The following BMP5 variants were observed in gnomAD, a reference collection of about 807,000 sequenced individuals.
BMP5 encodes bone morphogenetic protein 5.
BMP5 carries 23 observed loss-of-function variants against 46.6 expected under a neutral mutation model. The observed-to-expected ratio is 0.49, with a 90% CI of 0.35 to 0.70. BMP5 has a LOEUF of 0.70. BMP5 is among the 30% of genes least tolerant of loss of function. The pLI is 0.00. For missense variants in BMP5, 545 were observed against 565.6 expected (o/e 0.96, Z 0.37); for synonymous variants, 204 against 191.9 (o/e 1.06, Z -0.52).
At chr6:55,788,946 T>G (rs1344381426) in intron 3 of BMP5, among the ~76,000 whole-genome samples, 1 of 151,876 alleles carries the variant, frequency 6.6e-6, no homozygotes, top group African/African-American at 2.4e-5. Flanking sequence ...TTAATACCTC[T>G]GAAATCTTTT....
intron 1 of BMP5, among the ~76,000 whole-genome samples, chr6:55,832,031 A>G (rs976430178): frequency 2.0e-5 from 3 of 152,182 alleles, no homozygotes; most frequent in Admixed American, 2.0e-4. Flanking sequence ...AATAGTCCGT[A>G]CTGGAAAGCT....
At chr6:55,855,068 AG>A (rs796310393) in intron 1 of BMP5, among the ~76,000 whole-genome samples, 1 of 151,982 alleles carries the variant, frequency 6.6e-6, no homozygotes, top group East Asian at 1.9e-4. Context: ...AACAGAAAAA[AG>A]CTTTTGATCA....
chr6:55,797,679 C>A lies in BMP5; in HGVS notation c.684-3252G>T, dbSNP rs1775749858. Among the ~76,000 whole-genome samples the A allele has an allele frequency of 2.1e-5, 3 of 140,640 alleles. No individual in the cohort carries two copies. In the South Asian group the frequency reaches 6.6e-4, roughly 31 times the overall value. 92.3% of individuals were successfully genotyped at this position (140,640 alleles called of 152,430 possible). A position where few individuals can be genotyped will look rare whatever the true frequency, so the allele number is the denominator to read the frequency against. ...TCGCCCAGGCTGGAGTGCAGTGGTG[C>A]GATCTCAGCTCACTGCAAGATCCAC... On this transcript the variant is annotated intron_variant, in intron 2 of 6. Coordinates refer to ENST00000370830, the MANE Select transcript of BMP5 (RefSeq NM_021073.4).
At chr6:55,774,341 T>A in intron 3 of BMP5, 98 bp from the exon 4 acceptor site, 1 of 1,158,954 alleles carries the variant, frequency 8.6e-7, no homozygotes, top group Non-Finnish European at 1.3e-6. Context: ...GGAAAAGTTT[T>A]AAAACATTAT....
intron 1 of BMP5, among the ~76,000 whole-genome samples, chr6:55,844,326 G>A (rs1777045099): frequency 1.3e-5 from 2 of 151,852 alleles, no homozygotes; most frequent in African/African-American, 4.8e-5. Context: ...TAAAAACATT[G>A]GCAGATTCTC....
intron 2 of BMP5, among the ~76,000 whole-genome samples, chr6:55,803,309 A>T (rs1265996190): frequency 6.6e-6 from 1 of 151,906 alleles, no homozygotes; most frequent in African/African-American, 2.4e-5. Context: ...ACAAAACAAA[A>T]CAAACAAAAA....
intron 4 of BMP5, among the ~76,000 whole-genome samples, chr6:55,766,867 T>G (rs924671905): frequency 6.6e-6 from 1 of 152,028 alleles, no homozygotes; most frequent in African/African-American, 2.4e-5. Flanking sequence ...CAACCTGAAA[T>G]GGTTTCATCC....
At chr6:55,799,823 T>C (rs1014814286) in intron 2 of BMP5, among the ~76,000 whole-genome samples, 3 of 152,192 alleles carry the variant, frequency 2.0e-5, no homozygotes, top group African/African-American at 4.8e-5. Flanking sequence ...TATTAAATAT[T>C]TCTTCCAAGG....
chr6:55,824,808 TA>T (rs1168920674), intron 1 of BMP5, among the ~76,000 whole-genome samples: 1 of 151,908 alleles, frequency 6.6e-6, no homozygotes, highest in African/African-American at 2.4e-5. Flanking sequence ...CTGACCTGTC[TA>T]ACAAGACCAA....
intron 4 of BMP5, among the ~76,000 whole-genome samples, chr6:55,764,581 A>G (rs1489273639): frequency 6.6e-6 from 1 of 150,916 alleles, no homozygotes; most frequent in East Asian, 1.9e-4. Flanking sequence ...CAAAAAAAAA[A>G]AAAAAAGAAA....
chr6:55,789,655 AC>A (rs986566902), intron 3 of BMP5, among the ~76,000 whole-genome samples: 5 of 152,088 alleles, frequency 3.3e-5, no homozygotes, highest in Admixed American at 1.3e-4. Flanking sequence ...GCTATTAAAA[AC>A]AAAAATAGAA....
intron 3 of BMP5, among the ~76,000 whole-genome samples, chr6:55,788,394 G>T (rs1775498260): frequency 6.6e-6 from 1 of 151,836 alleles, no homozygotes; most frequent in Admixed American, 6.6e-5. Flanking sequence ...TTAAACATGA[G>T]CTTAATAACA....
chr6:55,809,980 C>A (rs1339396788), intron 2 of BMP5, among the ~76,000 whole-genome samples: 1 of 152,062 alleles, frequency 6.6e-6, no homozygotes, highest in African/African-American at 2.4e-5. Flanking sequence ...ATAATGATGG[C>A]CACCCAAGGA....
At chr6:55,853,606 C>T (rs1160091011) in intron 1 of BMP5, among the ~76,000 whole-genome samples, 1 of 152,146 alleles carries the variant, frequency 6.6e-6, no homozygotes, top group Non-Finnish European at 1.5e-5. Context: ...AAATATTCCT[C>T]CCAGAAAAAA....
At chr6:55,813,125 T>C (rs1776173196) in intron 2 of BMP5, among the ~76,000 whole-genome samples, 1 of 152,156 alleles carries the variant, frequency 6.6e-6, no homozygotes, top group African/African-American at 2.4e-5. Context: ...GATTTTTAAA[T>C]CCTAGTGTTT....
intron 4 of BMP5, among the ~76,000 whole-genome samples, chr6:55,772,265 G>A (rs1457381730): frequency 1.3e-5 from 2 of 151,766 alleles, no homozygotes; most frequent in Admixed American, 6.6e-5. Flanking sequence ...GCTTATAGAC[G>A]TACATTTGTT....
rs1582037180 is a variant in BMP5, at chr6:55,753,821, A to C, written c.*1712T>G. On this transcript the variant is annotated 3_prime_UTR_variant, in exon 7 of 7. Transcript: ENST00000370830. ...CTTACATTTTGTATTCCTTTTAAAT[A>C]AAGAACCAAATCAAGAACAGCAGAA... 6.6e-6 allele frequency: 1 copy of C among 151,966 alleles called. No homozygotes were observed. The highest frequency in any genetic ancestry group is 1.9e-4 in the East Asian group (1 of 5,158). 9.4% of individuals were successfully genotyped at this position (151,966 alleles called of 1,614,324 possible).
rs547801600 is a variant in BMP5 at position 55,805,137 on chromosome 6, A to T, written c.684-10710T>A. On this transcript the variant is annotated intron_variant, in intron 2 of 6. Coordinates refer to ENST00000370830, the MANE Select transcript of BMP5 (RefSeq NM_021073.4). Reference sequence around the variant, plus strand: ...TTATCAAGAGTACTATATTATAGACACATGGCAAAAGTGTTTGCTTGTTTT... The same window carrying T: ...TTATCAAGAGTACTATATTATAGACTCATGGCAAAAGTGTTTGCTTGTTTT... Among the ~76,000 whole-genome samples the T allele has an allele frequency of 2.0e-5, 3 of 152,346 alleles. No individual in the cohort carries two copies. The East Asian group carries it at 5.8e-4, about 29-fold the overall frequency.
chr6:55,790,124 T>C (rs1317855954), intron 3 of BMP5, among the ~76,000 whole-genome samples: 1 of 152,162 alleles, frequency 6.6e-6, no homozygotes, highest in African/African-American at 2.4e-5. Context: ...TCTCCTTTCC[T>C]TATGATTTAA....
Sources: allele counts gnomAD v4.1 joint callset (sites outside exome capture counted in the v4.1 genomes callset), GRCh38; gene constraint gnomAD v4.1.1; transcripts MANE v1.5; gene names NCBI Gene and HGNC (gene_info 2026-07-23, HGNC 2026-07-21).